CNTN4: variants seen among roughly 807,000 people sequenced by gnomAD.
CNTN4 encodes contactin 4.
Under a neutral mutation model 122.5 loss-of-function variants are expected in CNTN4, and 77 were observed. That is an observed-to-expected ratio of 0.63 (90% CI 0.52 to 0.76). The LOEUF (loss-of-function observed/expected upper bound fraction) is 0.76. Among genes scored for constraint, CNTN4 ranks in the 30% least tolerant of loss-of-function variants. The pLI is 0.00. For missense variants in CNTN4, 1,256 were observed against 1,259.1 expected, an observed-to-expected ratio of 1.00 and a Z score of 0.04; for synonymous variants, 512 against 447.0, an observed-to-expected ratio of 1.15 and a Z score of -1.83.
At chr3:2,974,423 T>A (rs1693226691) in intron 13 of CNTN4, among the ~76,000 whole-genome samples, 1 of 152,194 alleles carries the variant, frequency 6.6e-6, no homozygotes, top group Non-Finnish European at 1.5e-5. Flanking sequence ...CAGGCTTAAA[T>A]GTTTCATGGG....
At chr3:2,426,213 A>G (rs2047826897) in intron 3 of CNTN4, among the ~76,000 whole-genome samples, 1 of 152,164 alleles carries the variant, frequency 6.6e-6, no homozygotes, top group African/African-American at 2.4e-5. Flanking sequence ...TTTGTCATAA[A>G]TAGCTCTTAT....
chr3:2,468,341 G>GT (rs2075574182), intron 3 of CNTN4, among the ~76,000 whole-genome samples: 1 of 152,068 alleles, frequency 6.6e-6, no homozygotes, highest in Non-Finnish European at 1.5e-5. Context: ...TGCTACCAGT[G>GT]TATTTCTAGG....
At chr3:2,271,375 G>A (rs2041289471) in intron 2 of CNTN4, among the ~76,000 whole-genome samples, 1 of 152,034 alleles carries the variant, frequency 6.6e-6, no homozygotes, top group Admixed American at 6.6e-5. Context: ...TTTTGTGAAT[G>A]TGCTTATTAT....
At chr3:3,050,264 G>A (rs965481366) in intron 23 of CNTN4, among the ~76,000 whole-genome samples, 4 of 151,766 alleles carry the variant, frequency 2.6e-5, no homozygotes, top group Non-Finnish European at 5.9e-5. Context: ...CTAATTTCTC[G>A]GTTTTTAAAT....
intron 2 of CNTN4, among the ~76,000 whole-genome samples, chr3:2,300,772 T>C (rs1459689856): frequency 2.0e-5 from 3 of 151,946 alleles, no homozygotes; most frequent in Non-Finnish European, 2.9e-5. Flanking sequence ...GGTTTCACCA[T>C]GTTGGCCAGG....
intron 3 of CNTN4, among the ~76,000 whole-genome samples, chr3:2,416,474 A>G (rs150256094): frequency 4.6e-5 from 7 of 152,330 alleles, no homozygotes; most frequent in African/African-American, 1.7e-4. Context: ...TGTGTTACAT[A>G]TGAGGAAATC....
At chr3:2,788,643 C>T (rs925541692) in intron 6 of CNTN4, among the ~76,000 whole-genome samples, 1 of 152,132 alleles carries the variant, frequency 6.6e-6, no homozygotes, top group Non-Finnish European at 1.5e-5. Flanking sequence ...CATAAAGACT[C>T]CTATTCTAAA....
intron 13 of CNTN4, among the ~76,000 whole-genome samples, chr3:2,958,165 C>G (rs1302183401): frequency 6.6e-6 from 1 of 152,174 alleles, no homozygotes; most frequent in East Asian, 1.9e-4. Flanking sequence ...AATCTCCATG[C>G]TTCCCAAACG....
At chr3:2,978,515 G>A (rs7619485) in intron 13 of CNTN4, among the ~76,000 whole-genome samples, 11,794 of 152,334 alleles carry the variant, frequency 0.077, 598 homozygotes, top group Non-Finnish European at 0.11. Flanking sequence ...TATGTTGCCA[G>A]TATTGCCCTA....
At chr3:2,910,137 G>A (rs1021269764) in intron 12 of CNTN4, among the ~76,000 whole-genome samples, 22 of 152,222 alleles carry the variant, frequency 1.4e-4, no homozygotes, top group African/African-American at 4.8e-4. Flanking sequence ...TACCATGTGA[G>A]GCTTGAGCTA....
intron 3 of CNTN4, among the ~76,000 whole-genome samples, chr3:2,402,971 T>G (rs73104032): frequency 0.015 from 2,297 of 152,158 alleles, 51 homozygotes; most frequent in African/African-American, 0.046. Context: ...TAACATAAAT[T>G]TATTGTCTTA....
chr3:2,957,897 C>T (rs944436384), intron 13 of CNTN4, among the ~76,000 whole-genome samples: 8 of 152,092 alleles, frequency 5.3e-5, no homozygotes, highest in African/African-American at 1.2e-4. Context: ...CTGCGATGAA[C>T]GTAAAGTGCA....
chr3:3,003,684 C>CAAAA lies in CNTN4; in HGVS notation c.1486+15239_1486+15242dup, dbSNP rs58290160. Among the ~76,000 whole-genome samples, 61 of 76,972 alleles carry CAAAA rather than the reference C, an allele frequency of 7.9e-4. 1 individual carries two copies. Among genetic ancestry groups the CAAAA allele is most frequent in the African/African-American group, 1.3e-3 (31 of 24,710 alleles). 50.5% of individuals were successfully genotyped at this position (76,972 alleles called of 152,430 possible). On this transcript the variant is annotated intron_variant, in intron 14 of 24. Coordinates refer to ENST00000418658, the MANE Select transcript of CNTN4 (RefSeq NM_175607.3). The stretch of plus-strand genomic sequence containing the variant: ...AATTAGATAGTAGTCATGGTTGCAC[C>CAAAA]AAAAAAAAAAAAAAAAAAAAAAAAA...
intron 23 of CNTN4, 84 bp downstream of exon 23, chr3:3,043,788 T>TCACCAGGGAAACTGACAA: frequency 1.1e-6 from 1 of 896,944 alleles, no homozygotes; most frequent in Non-Finnish European, 1.8e-6. Context: ...GTTGTCTGCA[T>TCACCAGGGAAACTGACAA]TGTCAGTTTC....
chr3:2,181,428 G>A (rs950417578), intron 2 of CNTN4, among the ~76,000 whole-genome samples: 1 of 151,984 alleles, frequency 6.6e-6, no homozygotes, highest in African/African-American at 2.4e-5. Context: ...CGTATCAAAC[G>A]CCAGTAGAAC....
chr3:2,382,985 G>C (rs1030773715), intron 3 of CNTN4, among the ~76,000 whole-genome samples: 1 of 151,986 alleles, frequency 6.6e-6, no homozygotes, highest in East Asian at 1.9e-4. Context: ...TGAGGCAGGA[G>C]AATTGCTTGA....
intron 3 of CNTN4, among the ~76,000 whole-genome samples, chr3:2,408,947 A>G (rs2047131556): frequency 1.3e-5 from 2 of 152,036 alleles, no homozygotes; most frequent in Non-Finnish European, 2.9e-5. Flanking sequence ...AAGCTTCAAG[A>G]TTTATTTTTG....
intron 4 of CNTN4, among the ~76,000 whole-genome samples, chr3:2,716,227 A>G (rs1451252359): frequency 6.6e-6 from 1 of 152,190 alleles, no homozygotes. Flanking sequence ...ATACTTGTTT[A>G]AATTTAACTC....
At chr3:2,275,240 A>C (rs2041457746) in intron 2 of CNTN4, among the ~76,000 whole-genome samples, 1 of 152,038 alleles carries the variant, frequency 6.6e-6, no homozygotes, top group African/African-American at 2.4e-5. Flanking sequence ...CACAGTGAGC[A>C]CTCTTTTCAT....
Sources: allele counts gnomAD v4.1 joint callset (sites outside exome capture counted in the v4.1 genomes callset), GRCh38; gene constraint gnomAD v4.1.1; transcripts MANE v1.5; gene names NCBI Gene and HGNC (gene_info 2026-07-23, HGNC 2026-07-21).